Variants in PRDM6 observed in about 807,000 individuals in gnomAD.
The protein encoded by PRDM6 is putative histone-lysine N-methyltransferase PRDM6.
In PRDM6, 25 loss-of-function variants were observed where a neutral mutation model predicts 60.8. The ratio of observed to expected loss-of-function variants is 0.41; its 90% CI spans 0.30 to 0.57. The LOEUF is 0.57. PRDM6 is among the 20% of genes least tolerant of loss of function. The pLI is 0.27. For synonymous variants in PRDM6, 407 were observed against 357.4 expected (o/e 1.14, Z -1.57); for missense variants, 839 against 821.3 (o/e 1.02, Z -0.26).
chr5:123,165,733 C>A (rs985882567), intron 5 of PRDM6, among the ~76,000 whole-genome samples: 1 of 152,130 alleles, frequency 6.6e-6, no homozygotes, highest in Non-Finnish European at 1.5e-5. Flanking sequence ...ATCGTATTCC[C>A]CCTTTTATTC....
chr5:123,120,975 G>A (rs1764566734), intron 3 of PRDM6, among the ~76,000 whole-genome samples: 1 of 152,130 alleles, frequency 6.6e-6, no homozygotes, highest in South Asian at 2.1e-4. Context: ...TATTAAATGT[G>A]GGACCTTTTT....
intron 3 of PRDM6, among the ~76,000 whole-genome samples, chr5:123,119,858 TA>T (rs1764542300): frequency 6.6e-6 from 1 of 152,150 alleles, no homozygotes; most frequent in Admixed American, 6.6e-5. Context: ...ACGCATTTTT[TA>T]AATGAAAATA....
At chr5:123,113,157 T>A (rs918946552) in intron 3 of PRDM6, among the ~76,000 whole-genome samples, 2 of 152,194 alleles carry the variant, frequency 1.3e-5, no homozygotes, top group Non-Finnish European at 2.9e-5. Context: ...TTTGTTACAA[T>A]GACTGAACCA....
chr5:123,176,838 A>G (rs1157296345), intron 6 of PRDM6, among the ~76,000 whole-genome samples: 1 of 152,252 alleles, frequency 6.6e-6, no homozygotes, highest in Non-Finnish European at 1.5e-5. Context: ...AGTATGACAC[A>G]TCAAGGGAGG....
At chr5:123,113,532 T>C (rs377014518) in intron 3 of PRDM6, among the ~76,000 whole-genome samples, 1 of 152,210 alleles carries the variant, frequency 6.6e-6, no homozygotes, top group Non-Finnish European at 1.5e-5. Context: ...AGAGCCTTTT[T>C]TAGATGAAGG....
intron 3 of PRDM6, among the ~76,000 whole-genome samples, chr5:123,112,919 G>A (rs1231021647): frequency 2.0e-5 from 3 of 149,726 alleles, no homozygotes. Flanking sequence ...CACTTTTATA[G>A]TAAACAACAT....
intron 3 of PRDM6, among the ~76,000 whole-genome samples, chr5:123,142,939 C>CA (rs1196488165): frequency 1.6e-5 from 2 of 122,298 alleles, no homozygotes; most frequent in East Asian, 2.2e-4. Flanking sequence ...AAAAAAAACT[C>CA]AGGATTTCTA....
intron 5 of PRDM6, 42 bp downstream of exon 5, chr5:123,159,680 C>T (rs924348027): frequency 1.3e-6 from 2 of 1,539,378 alleles, no homozygotes; most frequent in Admixed American, 4.0e-5. Flanking sequence ...TTCAATATAC[C>T]TATTTCAAAG....
intron 2 of PRDM6, among the ~76,000 whole-genome samples, chr5:123,093,466 A>G (rs1017082113): frequency 6.6e-6 from 1 of 152,236 alleles, no homozygotes; most frequent in Non-Finnish European, 1.5e-5. Context: ...TTAAAACAGC[A>G]GAAACTGCAA....
Position 123,090,167 on chromosome 5 carries a change from G to T in PRDM6, c.153G>T (p.Gln51His), listed in dbSNP as rs1342195148. The change falls in exon 2 of 8, where the codon CAG (glutamine) becomes CAT (histidine). Residue 51 changes from glutamine (Q) to histidine (H), a missense_variant. Physicochemically the swap from Gln to His is conservative, Grantham distance 24 (BLOSUM62 0). Around this residue, in one of 2 missense-constraint regions of PRDM6, gnomAD observed 730 missense variants for 648.8 expected, o/e 1.13. Coordinates refer to ENST00000407847, the MANE Select transcript of PRDM6 (RefSeq NM_001136239.4). The part of the protein sequence containing the change: ...AGLLSAPQPL[Q>H]PPPPPPPPER... ...TCCTGAGCGCGCCGCAGCCTCTTCA[G>T]CCGCCGCCGCCGCCCCCGCCCCCGG... The T allele has an allele frequency of 7.1e-7, 1 of 1,414,398 alleles. No individual in the cohort carries two copies. The highest frequency in any genetic ancestry group is 1.3e-5 in the South Asian group (1 of 74,784). 87.6% of individuals were successfully genotyped at this position (1,414,398 alleles called of 1,614,324 possible).
At chr5:123,113,587 T>C (rs1764364170) in intron 3 of PRDM6, among the ~76,000 whole-genome samples, 1 of 152,186 alleles carries the variant, frequency 6.6e-6, no homozygotes, top group South Asian at 2.1e-4. Context: ...AAGGCAGGAT[T>C]TCCATGTAGG....
chr5:123,101,879 A>G (rs1219876591), intron 3 of PRDM6, among the ~76,000 whole-genome samples: 1 of 152,238 alleles, frequency 6.6e-6, no homozygotes, highest in Non-Finnish European at 1.5e-5. Flanking sequence ...ATTTTGTTGT[A>G]GTAAAGAGAC....
chr5:123,144,690 C>T (rs1013729599), intron 3 of PRDM6, among the ~76,000 whole-genome samples: 3 of 152,188 alleles, frequency 2.0e-5, no homozygotes, highest in African/African-American at 4.8e-5. Flanking sequence ...TGCTTTGTAG[C>T]AGCCTCAACT....
intron 3 of PRDM6, among the ~76,000 whole-genome samples, chr5:123,150,915 T>A (rs1461274257): frequency 6.6e-6 from 1 of 152,200 alleles, no homozygotes; most frequent in Non-Finnish European, 1.5e-5. Flanking sequence ...TGAAAGAGAT[T>A]GGCTTCAAAA....
At chr5:123,151,153 G>A (rs1027629448) in intron 3 of PRDM6, among the ~76,000 whole-genome samples, 6 of 152,108 alleles carry the variant, frequency 3.9e-5, no homozygotes, top group Admixed American at 2.6e-4. Context: ...GCTGCTTGGC[G>A]AAAACTGGAG....
chr5:123,090,144 C>T lies in PRDM6; in HGVS notation c.130C>T (p.Leu44=), dbSNP rs1172041975. Residue 44 remains leucine (L), a synonymous_variant, in exon 2 of 8, where the codon CTG becomes TTG. Transcript: ENST00000407847. ...PLKGSGAAGL[L]SAPQPLQPPP... is the part of the protein sequence containing the mutation. ...CAAGGGCAGCGGCGCCGCGGGTCTC[C>T]TGAGCGCGCCGCAGCCTCTTCAGCC... is the stretch of plus-strand genomic sequence containing the variant. 29 of 1,531,100 alleles carry T rather than the reference C, an allele frequency of 1.9e-5. No individual in the cohort carries two copies. Among genetic ancestry groups the T allele is most frequent in the Admixed American group, 6.0e-5 (3 of 49,764 alleles). The allele number at this position is 1,531,100 out of a possible 1,614,324, so 94.8% of individuals were successfully genotyped here. A position where few individuals can be genotyped will look rare whatever the true frequency, so the allele number is the denominator to read the frequency against.
chr5:123,192,620 A>G lies in PRDM6; in HGVS notation c.*5419A>G, dbSNP rs1321532561. On this transcript the variant is annotated 3_prime_UTR_variant, in exon 8 of 8. Transcript: ENST00000407847. ...TAAAATTCCACATTGAAAGAAAAAA[A>G]AATAACCCTCTCAAGTGTGATATAC... is the stretch of plus-strand genomic sequence containing the variant. 2 of 152,190 alleles carry G rather than the reference A, an allele frequency of 1.3e-5. No individual in the cohort carries two copies. Among genetic ancestry groups the G allele is most frequent in the Non-Finnish European group, 2.9e-5 (2 of 68,034 alleles). 9.4% of individuals were successfully genotyped at this position (152,190 alleles called of 1,614,324 possible). A position where few individuals can be genotyped will look rare whatever the true frequency, so the allele number is the denominator to read the frequency against.
chr5:123,161,495 G>T (rs1407578070), intron 5 of PRDM6, among the ~76,000 whole-genome samples: 1 of 152,184 alleles, frequency 6.6e-6, no homozygotes. Context: ...AGTGAACAGG[G>T]TAAGCTTCAC....
chr5:123,185,689 G>A (rs533225666), intron 7 of PRDM6, among the ~76,000 whole-genome samples: 79 of 152,318 alleles, frequency 5.2e-4, no homozygotes, highest in Non-Finnish European at 7.9e-4. Flanking sequence ...GCTGGTGCAG[G>A]AGCCCTGAAA....
Sources: gnomAD v4.1 joint callset for allele counts (sites outside exome capture counted in the v4.1 genomes callset) on GRCh38, gnomAD v4.1.1 for gene constraint, gnomAD v4.1.1 regional missense constraint, MANE v1.5 for transcripts, NCBI Gene and HGNC (gene_info 2026-07-23, HGNC 2026-07-21) for gene names.